The following MYO1E variants were observed in gnomAD, a reference collection of about 807,000 sequenced individuals.
The protein encoded by MYO1E is unconventional myosin-Ie.
Under a neutral mutation model 151.1 loss-of-function variants are expected in MYO1E, and 68 were observed. The ratio of observed to expected loss-of-function variants is 0.45; its 90% CI spans 0.37 to 0.55. The LOEUF (loss-of-function observed/expected upper bound fraction) is 0.55, where lower values mean the gene tolerates loss of function less well. MYO1E is among the 20% of genes least tolerant of loss of function. The probability of loss-of-function intolerance (pLI) is 0.00; values close to 1 mark genes in which losing one functional copy is unlikely to be tolerated. For missense variants in MYO1E, 1,363 were observed against 1,389.3 expected, an observed-to-expected ratio of 0.98 and a Z score of 0.30; for synonymous variants, 601 against 501.7, an observed-to-expected ratio of 1.20 and a Z score of -2.64.
intron 4 of MYO1E, among the ~76,000 whole-genome samples, chr15:59,245,738 G>A (rs959810984): frequency 6.6e-6 from 1 of 152,140 alleles, no homozygotes; most frequent in Admixed American, 6.6e-5. Context: ...ACTTTTGATG[G>A]CAGCAATAAA....
intron 4 of MYO1E, among the ~76,000 whole-genome samples, chr15:59,239,110 G>T (rs1213742835): frequency 6.6e-6 from 1 of 151,412 alleles, no homozygotes; most frequent in Non-Finnish European, 1.5e-5. Context: ...GGAGGCTGAG[G>T]CAGGAGAATC....
At chr15:59,209,129 T>C (rs768190513) in intron 13 of MYO1E, 7 of 477,976 alleles carry the variant, frequency 1.5e-5, no homozygotes, top group African/African-American at 3.9e-5. Context: ...CTCATAGTCA[T>C]GCCAAATTGA....
chr15:59,153,703 G>C lies in MYO1E; in HGVS notation c.2967C>G (p.Tyr989Ter). The C allele has an allele frequency of 6.2e-7, 1 of 1,614,188 alleles. No individual in the cohort carries two copies. Among genetic ancestry groups the C allele is most frequent in the South Asian group, 1.1e-5 (1 of 91,082 alleles). The change falls in exon 26 of 28, where the codon TAC becomes TAG. Residue 989 changes from tyrosine (Y) to a stop codon, truncating the protein, a stop_gained. Coordinates refer to ENST00000288235, the MANE Select transcript of MYO1E (RefSeq NM_004998.4). LOFTEE classifies it high-confidence loss of function. Reference sequence around the variant, plus strand: ...GCAAGGGCGGGCGGGCCATGGAGGTGTACAGGCTTTTCTGATTGGACCTCT... The same window carrying C: ...GCAAGGGCGGGCGGGCCATGGAGGTCTACAGGCTTTTCTGATTGGACCTCT... ...GSQRSNQKSL[Y>*]TSMARPPLPR...
chr15:59,335,827 C>T (rs2080725019), intron 1 of MYO1E, among the ~76,000 whole-genome samples: 1 of 152,120 alleles, frequency 6.6e-6, no homozygotes, highest in Non-Finnish European at 1.5e-5. Flanking sequence ...GAACCTGTAT[C>T]ATCTGAAGCC....
chr15:59,172,837 G>C (rs1447118264), intron 21 of MYO1E, among the ~76,000 whole-genome samples: 1 of 152,212 alleles, frequency 6.6e-6, no homozygotes, highest in African/African-American at 2.4e-5. Flanking sequence ...TTTATAATGA[G>C]TACCGCTGCG....
At chr15:59,241,432 C>T (rs1325893780) in intron 4 of MYO1E, among the ~76,000 whole-genome samples, 1 of 152,234 alleles carries the variant, frequency 6.6e-6, no homozygotes, top group Non-Finnish European at 1.5e-5. Flanking sequence ...TGGCTCACGC[C>T]TATAATCCCA....
At chr15:59,280,622 CAAA>C (rs35913240) in intron 1 of MYO1E, among the ~76,000 whole-genome samples, 6 of 77,128 alleles carry the variant, frequency 7.8e-5, no homozygotes, top group Admixed American at 1.5e-4. Context: ...AAGTCCATCT[CAAA>C]AAAAAAAAAA....
intron 1 of MYO1E, among the ~76,000 whole-genome samples, chr15:59,291,288 T>C (rs1408460814): frequency 6.6e-6 from 1 of 152,156 alleles, no homozygotes; most frequent in Non-Finnish European, 1.5e-5. Context: ...CTTCCTTTCC[T>C]TGGAGTTGGA....
At chr15:59,363,515 G>A (rs1424190773) in intron 1 of MYO1E, among the ~76,000 whole-genome samples, 4 of 152,122 alleles carry the variant, frequency 2.6e-5, no homozygotes, top group Non-Finnish European at 5.9e-5. Flanking sequence ...ATACAAATAC[G>A]TGGACTCGGC....
At chr15:59,214,841 G>A (rs1420610367) in intron 10 of MYO1E, 121 bp from the exon 11 acceptor site, 6 of 800,160 alleles carry the variant, frequency 7.5e-6, no homozygotes, top group Non-Finnish European at 1.3e-5. Context: ...GGAAACAGAG[G>A]ACAAGTGAAG....
chr15:59,234,784 C>T (rs2080051891), intron 5 of MYO1E, among the ~76,000 whole-genome samples: 1 of 141,542 alleles, frequency 7.1e-6, no homozygotes. Flanking sequence ...GATCATGCCA[C>T]TGCACTTCAG....
In MYO1E at chr15:59,261,888, T is replaced by A. The variant is rs540460938; in HGVS notation, c.148-379A>T. On this transcript the variant is annotated intron_variant, in intron 2 of 27. Transcript: ENST00000288235. ...ATGCATTTTTTCCTTTGAACTTTCG[T>A]ATCCGTTAGGTACACTAAAAACATA... 2.0e-5 allele frequency among the ~76,000 whole-genome samples: 3 copies of A among 152,328 alleles called. No homozygotes were observed. The East Asian group carries it at 5.8e-4, about 29-fold the overall frequency.
At chr15:59,213,410 A>G (rs1183442028) in intron 12 of MYO1E, among the ~76,000 whole-genome samples, 1 of 151,950 alleles carries the variant, frequency 6.6e-6, no homozygotes, top group African/African-American at 2.4e-5. Flanking sequence ...ACCTCAAGTG[A>G]TCTGCCCGTC....
intron 2 of MYO1E, among the ~76,000 whole-genome samples, chr15:59,266,261 C>T (rs913035362): frequency 7.9e-5 from 12 of 152,158 alleles, no homozygotes; most frequent in Non-Finnish European, 1.3e-4. Flanking sequence ...AAAAGCCGTT[C>T]GGATCATTGT....
At chr15:59,268,720 A>ATTTTGTTTTTTTTTTTTTTTTTTTTT (rs2080271394) in intron 2 of MYO1E, among the ~76,000 whole-genome samples, 4 of 44,906 alleles carry the variant, frequency 8.9e-5, no homozygotes, top group Non-Finnish European at 2.0e-4. Context: ...TGACTTTGGT[A>ATTTTGTTTTTTTTTTTTTTTTTTTTT]TTTTTTTTTT....
chr15:59,174,134 C>G lies in MYO1E; in HGVS notation c.2156G>C (p.Arg719Thr). ...FVARKKYVQMREEASDLLLNK... is the reference protein window; with the variant it reads ...FVARKKYVQMTEEASDLLLNK... ...CAAAATTGCTAAAATACCTTCTTCT[C>G]TCATTTGAACGTATTTCTTCCGGGC... Residue 719 changes from arginine to threonine, a missense_variant, in exon 20 of 28, where the codon AGA becomes ACA. Arg to Thr is a moderately conservative substitution (Grantham distance 71). Coordinates refer to ENST00000288235, the MANE Select transcript of MYO1E (RefSeq NM_004998.4). 1 of 1,612,284 alleles carries G rather than the reference C, an allele frequency of 6.2e-7. No individual in the cohort carries two copies. The highest frequency in any genetic ancestry group is 8.5e-7 in the Non-Finnish European group (1 of 1,178,402).
At chr15:59,192,774 G>A (rs542247320) in intron 17 of MYO1E, among the ~76,000 whole-genome samples, 20 of 152,244 alleles carry the variant, frequency 1.3e-4, no homozygotes, top group Non-Finnish European at 2.8e-4. Flanking sequence ...GTTGACTAAA[G>A]ATTTGGTTGG....
chr15:59,358,181 AG>A (rs1162394809), intron 1 of MYO1E, among the ~76,000 whole-genome samples: 2 of 152,140 alleles, frequency 1.3e-5, no homozygotes, highest in Non-Finnish European at 2.9e-5. Flanking sequence ...GTTGCTAAGC[AG>A]GGCTGGACCA....
chr15:59,151,552 T>G (rs1394002528), intron 26 of MYO1E, among the ~76,000 whole-genome samples: 1 of 152,180 alleles, frequency 6.6e-6, no homozygotes, highest in Non-Finnish European at 1.5e-5. Flanking sequence ...ATGGTAAAGC[T>G]CTTAAGAGCT....
Sources: gnomAD v4.1 joint callset for allele counts (sites outside exome capture counted in the v4.1 genomes callset) on GRCh38, gnomAD v4.1.1 for gene constraint, MANE v1.5 for transcripts, NCBI Gene and HGNC (gene_info 2026-07-23, HGNC 2026-07-21) for gene names.